The following DNAH8 variants were observed in gnomAD, a reference collection of about 807,000 sequenced individuals.
DNAH8 encodes dynein axonemal heavy chain 8.
A neutral mutation model predicts 562.1 loss-of-function variants in DNAH8; 382 were observed. The ratio of observed to expected loss-of-function variants is 0.68; its 90% CI spans 0.63 to 0.74. The LOEUF (loss-of-function observed/expected upper bound fraction) is 0.74, where lower values mean the gene tolerates loss of function less well. Ranked by LOEUF, DNAH8 falls within the 30% of genes least tolerant of loss-of-function variation. DNAH8 has a pLI of 0.00. For synonymous variants in DNAH8, 1,881 were observed against 1,919.4 expected (o/e 0.98, Z 0.52); for missense variants, 5,203 against 5,620.4 (o/e 0.93, Z 2.37).
At chr6:38,917,481 A>G in intron 69 of DNAH8, 75 bp downstream of exon 69, 1 of 1,185,080 alleles carries the variant, frequency 8.4e-7, no homozygotes, top group Non-Finnish European at 1.2e-6. Flanking sequence ...AATATAGACC[A>G]GACAAACTGG....
intron 21 of DNAH8, among the ~76,000 whole-genome samples, chr6:38,797,628 C>T (rs966189550): frequency 6.6e-6 from 1 of 152,152 alleles, no homozygotes; most frequent in African/African-American, 2.4e-5. Flanking sequence ...GATCCTGTCT[C>T]CTTTACTACG....
At chr6:39,005,118 G>T (rs1487226645) in intron 88 of DNAH8, among the ~76,000 whole-genome samples, 1 of 152,194 alleles carries the variant, frequency 6.6e-6, no homozygotes, top group African/African-American at 2.4e-5. Flanking sequence ...GCTTTCCAAA[G>T]TGACTGCATC....
intron 30 of DNAH8, among the ~76,000 whole-genome samples, chr6:38,829,588 A>C (rs1773659225): frequency 6.6e-6 from 1 of 152,198 alleles, no homozygotes; most frequent in Non-Finnish European, 1.5e-5. Context: ...TTACTGAAAA[A>C]ACTATCCTTT....
At chr6:38,890,607 A>G (rs747297966) in intron 57 of DNAH8, 45 bp from the exon 58 acceptor site, 2 of 1,353,684 alleles carry the variant, frequency 1.5e-6, no homozygotes, top group South Asian at 2.3e-5. Flanking sequence ...ATATACTTGG[A>G]AATCTTTTGG....
chr6:38,836,135 AG>A (rs1369305513), intron 32 of DNAH8, among the ~76,000 whole-genome samples: 2 of 152,204 alleles, frequency 1.3e-5, no homozygotes, highest in Non-Finnish European at 2.9e-5. Context: ...TACTTATCGA[AG>A]GAGGGCATGT....
intron 28 of DNAH8, among the ~76,000 whole-genome samples, chr6:38,823,964 C>T (rs1249197380): frequency 3.3e-5 from 5 of 152,044 alleles, no homozygotes; most frequent in East Asian, 1.9e-4. Flanking sequence ...TACACACATC[C>T]GTAGACACAC....
At chr6:38,777,689 C>G (rs186330992) in intron 13 of DNAH8, among the ~76,000 whole-genome samples, 7 of 152,252 alleles carry the variant, frequency 4.6e-5, no homozygotes, top group South Asian at 2.1e-4. Flanking sequence ...CATCTCCCCC[C>G]ACAAAAGGCT....
intron 76 of DNAH8, among the ~76,000 whole-genome samples, chr6:38,932,236 G>A (rs1311502371): frequency 9.6e-6 from 1 of 103,850 alleles, no homozygotes; most frequent in Non-Finnish European, 2.1e-5. Context: ...TTCTACTTCT[G>A]TCTTTAAACT....
intron 12 of DNAH8, among the ~76,000 whole-genome samples, chr6:38,774,537 T>C (rs976835483): frequency 3.3e-5 from 5 of 152,164 alleles, no homozygotes; most frequent in Non-Finnish European, 7.3e-5. Flanking sequence ...GTACACTGGC[T>C]AAGTTTGAAG....
rs1776837426 is a variant in DNAH8, at chr6:38,863,921, T to C, written c.6359T>C (p.Ile2120Thr). The C allele has an allele frequency of 2.5e-6, 4 of 1,611,288 alleles. No individual in the cohort carries two copies. The highest frequency in any genetic ancestry group is 2.7e-5 in the African/African-American group (2 of 74,856). Residue 2120 changes from isoleucine to threonine, a missense_variant, in exon 45 of 93, where the codon ATT becomes ACT. Coordinates refer to ENST00000327475, the MANE Select transcript of DNAH8 (RefSeq NM_001206927.2). ...GGCTGTTTTGATGAGTTTAACAGAATTGAATTGCCTGTATTATCAGTGGCA... is the reference window on the plus strand; with the variant it reads ...GGCTGTTTTGATGAGTTTAACAGAACTGAATTGCCTGTATTATCAGTGGCA... ...SWGCFDEFNR[I>T]ELPVLSVAAQ...
At chr6:38,961,200 G>T (rs904407322) in intron 82 of DNAH8, among the ~76,000 whole-genome samples, 1 of 151,882 alleles carries the variant, frequency 6.6e-6, no homozygotes, top group Non-Finnish European at 1.5e-5. Context: ...GAGGAAGAAT[G>T]ATTTCTAGTG....
chr6:38,898,177 T>G (rs1779827003), intron 60 of DNAH8, 81 bp from the exon 61 acceptor site: 2 of 1,264,980 alleles, frequency 1.6e-6, no homozygotes, highest in Non-Finnish European at 2.2e-6. Context: ...TTAAAATTAC[T>G]TTTGAGTGTC....
At chr6:38,839,666 CT>C (rs879764567) in intron 33 of DNAH8, among the ~76,000 whole-genome samples, 130 of 144,868 alleles carry the variant, frequency 9.0e-4, no homozygotes, top group Admixed American at 1.2e-3. Flanking sequence ...CCGAGAAGCA[CT>C]TTTTTTTTTT....
intron 3 of DNAH8, among the ~76,000 whole-genome samples, chr6:38,725,415 T>G (rs1415883850): frequency 6.6e-6 from 1 of 152,074 alleles, no homozygotes; most frequent in African/African-American, 2.4e-5. Flanking sequence ...TCCAGTATCC[T>G]TATAAGAATG....
At chr6:38,865,616 T>G (rs1038671296) in intron 45 of DNAH8, among the ~76,000 whole-genome samples, 4 of 152,244 alleles carry the variant, frequency 2.6e-5, no homozygotes, top group Non-Finnish European at 4.4e-5. Context: ...GCCAATTGAC[T>G]GAGTCAACTC....
rs770835408 is a variant in DNAH8 at position 38,929,679 on chromosome 6, A to AT, written c.11274+13_11274+14insT. The AT allele has an allele frequency of 1.3e-4, 139 of 1,070,754 alleles. No homozygotes were observed. Among genetic ancestry groups the AT allele is most frequent in the Non-Finnish European group, 1.7e-4 (133 of 803,638 alleles). The allele number at this position is 1,070,754 out of a possible 1,614,324, so 66.3% of individuals were successfully genotyped here. ...CACCACTTTCAAGGTGAGCTTTGTA[A>AT]AAAAAAAAAAAAAGAAAGAAAGAAA... On this transcript the variant is annotated intron_variant, in intron 75 of 92. Transcript: ENST00000327475.
rs1165457095 is a variant in DNAH8 at position 39,030,225 on chromosome 6, G to A, written c.13957G>A (p.Ala4653Thr). The change falls in exon 93 of 93, where the codon GCC (alanine) becomes ACC (threonine). Residue 4653 changes from alanine to threonine, a missense_variant. Ala to Thr is a moderately conservative substitution (Grantham distance 58, BLOSUM62 0). Transcript: ENST00000327475. ...GCAGTTACCCGTGCTCCACATCTTT[G>A]CCATTAACTCCACGGCACCCAAGGA... ...FTQLPVLHIF[A>T]INSTAPKDPK... 6.2e-7 allele frequency: 1 copy of A among 1,614,110 alleles called. No individual in the cohort carries two copies. The highest frequency in any genetic ancestry group is 1.7e-5 in the Admixed American group (1 of 60,012).
intron 88 of DNAH8, among the ~76,000 whole-genome samples, chr6:39,007,947 CCACA>C (rs67673406): frequency 0.14 from 17,256 of 119,954 alleles, 1,339 homozygotes; most frequent in Middle Eastern, 0.22. Context: ...CCCCACCCAC[CCACA>C]CACACACACA....
chr6:38,928,733 T>C (rs1418226812), intron 74 of DNAH8, among the ~76,000 whole-genome samples: 3 of 152,152 alleles, frequency 2.0e-5, no homozygotes, highest in African/African-American at 2.4e-5. Flanking sequence ...AAGGCATTAG[T>C]TGAATTCAGA....
Sources: allele counts gnomAD v4.1 joint callset (sites outside exome capture counted in the v4.1 genomes callset), GRCh38; gene constraint gnomAD v4.1.1; transcripts MANE v1.5; gene names NCBI Gene and HGNC (gene_info 2026-07-23, HGNC 2026-07-21).